Variants in PEAK1 observed in about 807,000 individuals in gnomAD.
PEAK1 encodes the protein inactive tyrosine-protein kinase PEAK1.
PEAK1 carries 54 observed loss-of-function variants against 124.7 expected under a neutral mutation model. The ratio of observed to expected loss-of-function variants is 0.43; its 90% confidence interval spans 0.35 to 0.54. The LOEUF (loss-of-function observed/expected upper bound fraction) is 0.54, where lower values mean the gene tolerates loss of function less well. PEAK1 is among the 20% of genes least tolerant of loss of function. PEAK1 has a pLI of 0.01. For synonymous variants in PEAK1, 719 were observed against 760.0 expected (o/e 0.95, Z 0.89); for missense variants, 2,046 against 2,134.5 (o/e 0.96, Z 0.82).
chr15:77,398,400 A>T (rs894014005), intron 1 of PEAK1, among the ~76,000 whole-genome samples: 3 of 152,216 alleles, frequency 2.0e-5, no homozygotes, highest in Non-Finnish European at 4.4e-5. Flanking sequence ...ATAACACATT[A>T]AAAAGACCAT....
chr15:77,389,551 G>C (rs1226936119), intron 1 of PEAK1, among the ~76,000 whole-genome samples: 2 of 152,138 alleles, frequency 1.3e-5, no homozygotes, highest in African/African-American at 4.8e-5. Flanking sequence ...AAATTTTATA[G>C]GTTATTATGA....
chr15:77,181,720 G>A lies in PEAK1; in HGVS notation c.207C>T (p.Pro69=), dbSNP rs1271426125. The part of the protein sequence containing the change: ...GNFRPPVAKK[P]TIAVKPTMIV... Reference sequence around the variant, plus strand: ...TCATAGTGGGCTTCACAGCTATAGTGGGTTTTTTAGCCACAGGAGGCCGGA... The same window carrying A: ...TCATAGTGGGCTTCACAGCTATAGTAGGTTTTTTAGCCACAGGAGGCCGGA... The change falls in exon 7 of 10, where the codon CCC becomes CCT. Residue 69 remains proline (P), a synonymous_variant. Transcript: ENST00000682557. 2 of 1,613,942 alleles carry A rather than the reference G, an allele frequency of 1.2e-6. No homozygotes were observed. The highest frequency in any genetic ancestry group is 1.7e-6 in the Non-Finnish European group (2 of 1,180,010).
At chr15:77,368,009 G>T (rs540013614) in intron 1 of PEAK1, among the ~76,000 whole-genome samples, 1 of 152,226 alleles carries the variant, frequency 6.6e-6, no homozygotes, top group East Asian at 1.9e-4. Flanking sequence ...CAAATGACAG[G>T]TAAGTTGTGA....
At chr15:77,218,807 T>C (rs1018660214) in intron 6 of PEAK1, among the ~76,000 whole-genome samples, 1 of 152,070 alleles carries the variant, frequency 6.6e-6, no homozygotes, top group African/African-American at 2.4e-5. Context: ...CCAGAAAGGC[T>C]ATATGTTTTT....
chr15:77,112,653 GTATA>G lies in PEAK1; in HGVS notation c.*1499_*1502del. The stretch of plus-strand genomic sequence containing the variant: ...ATAAAACAAGCACAGGTGAACATGT[GTATA>G]CATACACACACACACACACACACAC... On this transcript the variant is annotated 3_prime_UTR_variant, in exon 10 of 10. Coordinates refer to ENST00000682557, the MANE Select transcript of PEAK1 (RefSeq NM_001385026.1). 1.6e-5 allele frequency: 2 copies of G among 128,532 alleles called. No homozygotes were observed. The highest frequency in any genetic ancestry group is 2.6e-4 in the South Asian group (1 of 3,902). The allele number at this position is 128,532 out of a possible 1,614,324, so 8.0% of individuals were successfully genotyped here.
intron 2 of PEAK1, among the ~76,000 whole-genome samples, chr15:77,289,616 ACCTGTGG>A (rs906047526): frequency 2.0e-5 from 3 of 152,158 alleles, no homozygotes; most frequent in Admixed American, 2.0e-4. Context: ...CTGGCGGATC[ACCTGTGG>A]TCAGGAGCTC....
intron 2 of PEAK1, among the ~76,000 whole-genome samples, chr15:77,309,788 T>C (rs990422638): frequency 6.6e-6 from 1 of 152,216 alleles, no homozygotes; most frequent in Non-Finnish European, 1.5e-5. Flanking sequence ...ACTTGTTTTA[T>C]ATACAATCAC....
At chr15:77,347,340 G>C (rs1365179493) in intron 2 of PEAK1, 28 of 985,210 alleles carry the variant, frequency 2.8e-5, no homozygotes, top group South Asian at 4.7e-5. Flanking sequence ...AAAAAGATAA[G>C]CATGAGTTGA....
At position 77,181,561 on chromosome 15, in the gene PEAK1, A is replaced by T; in HGVS notation, c.366T>A (p.Asp122Glu). Reference protein sequence around the residue: ...SQKPLNNNNEDDEGISHVPKP... With the variant: ...SQKPLNNNNEEDEGISHVPKP... ...TAGGAACATGGCTAATTCCTTCATC[A>T]TCTTCATTATTATTGTTAAGTGGTT... is the stretch of plus-strand genomic sequence containing the variant. The change falls in exon 7 of 10, where the codon GAT becomes GAA. Residue 122 changes from aspartate (D) to glutamate (E), a missense_variant. Physicochemically the swap from Asp to Glu is conservative, Grantham distance 45 (BLOSUM62 2). Coordinates refer to ENST00000682557, the MANE Select transcript of PEAK1 (RefSeq NM_001385026.1). 2.5e-6 allele frequency: 4 copies of T among 1,613,942 alleles called. No individual in the cohort carries two copies. Among genetic ancestry groups the T allele is most frequent in the Non-Finnish European group, 3.4e-6 (4 of 1,179,996 alleles).
intron 6 of PEAK1, among the ~76,000 whole-genome samples, chr15:77,250,955 C>T (rs12913233): frequency 0.65 from 99,598 of 152,070 alleles, 33,575 homozygotes; most frequent in Non-Finnish European, 0.75. Context: ...CTCATATTTA[C>T]CAACATGAAA....
At chr15:77,190,454 G>C (rs972285410) in intron 6 of PEAK1, among the ~76,000 whole-genome samples, 1 of 152,198 alleles carries the variant, frequency 6.6e-6, no homozygotes, top group African/African-American at 2.4e-5. Flanking sequence ...GTGTTTTCAA[G>C]GGTCTATGAG....
At chr15:77,104,319 C>G, downstream of PEAK1, 1 of 152,908 alleles carries the variant, frequency 6.5e-6, no homozygotes, top group Non-Finnish European at 1.5e-5. Context: ...AGTCAGACAC[C>G]AAGGACAGCA....
intron 2 of PEAK1, among the ~76,000 whole-genome samples, chr15:77,323,366 T>C (rs543127488): frequency 6.6e-6 from 1 of 152,110 alleles, no homozygotes; most frequent in African/African-American, 2.4e-5. Flanking sequence ...GATGACATGA[T>C]TGTATATCTA....
chr15:77,404,980 T>A lies in PEAK1; in HGVS notation c.-666+15026A>T, dbSNP rs151132276. On this transcript the variant is annotated intron_variant, in intron 1 of 9. Transcript: ENST00000682557. ...AACTGATACATAAACTACATCCCTA[T>A]TATATGTAGTATAAGGTCAATTAGT... Among the ~76,000 whole-genome samples, 726 of 152,218 alleles carry A rather than the reference T, an allele frequency of 4.8e-3. 4 individuals are homozygous for A. Among genetic ancestry groups the A allele is most frequent in the African/African-American group, 0.016 (672 of 41,528 alleles).
rs777365787 is a variant in PEAK1, at chr15:77,371,206, A to G, written c.-665-5981T>C. ...CCTTTTTACTAAGTAATTTTATTCT[A>G]TGGATAGCAACCTTTCACATTCTGG... On this transcript the variant is annotated intron_variant, in intron 1 of 9. Transcript: ENST00000682557. 2.8e-4 allele frequency: 273 copies of G among 984,196 alleles called. 1 individual carries two copies. Among genetic ancestry groups the G allele is most frequent in the Non-Finnish European group, 3.1e-4 (259 of 828,908 alleles). The allele number at this position is 984,196 out of a possible 1,614,324, so 61.0% of individuals were successfully genotyped here. A position where few individuals can be genotyped will look rare whatever the true frequency, so the allele number is the denominator to read the frequency against.
chr15:77,284,662 C>T (rs2062830772), intron 4 of PEAK1, among the ~76,000 whole-genome samples: 1 of 152,126 alleles, frequency 6.6e-6, no homozygotes, highest in African/African-American at 2.4e-5. Context: ...GATTTAACTG[C>T]TAATAGTTGA....
chr15:77,122,702 G>A (rs1359825811), intron 9 of PEAK1, among the ~76,000 whole-genome samples: 1 of 152,130 alleles, frequency 6.6e-6, no homozygotes, highest in African/African-American at 2.4e-5. Context: ...GAAACAAAAC[G>A]GACACAAAAC....
At chr15:77,258,385 T>C (rs1320166579) in intron 5 of PEAK1, among the ~76,000 whole-genome samples, 5 of 152,190 alleles carry the variant, frequency 3.3e-5, no homozygotes. Flanking sequence ...CATTTGTTGG[T>C]ATCCTCTTTT....
rs540373472 is a variant in PEAK1, at chr15:77,168,033, C to T, written c.3138-9337G>A. Among the ~76,000 whole-genome samples, 7 of 152,174 alleles carry T rather than the reference C, an allele frequency of 4.6e-5. No homozygotes were observed. In the South Asian group the frequency reaches 1.2e-3, roughly 27 times the overall value. ...ACAGTTTGCTCAGAATGATGGTTTCCAGCTTCATCCATGTCTCTACAAAGG... is the reference window on the plus strand; with the variant it reads ...ACAGTTTGCTCAGAATGATGGTTTCTAGCTTCATCCATGTCTCTACAAAGG... On this transcript the variant is annotated intron_variant, in intron 7 of 9. Coordinates refer to ENST00000682557, the MANE Select transcript of PEAK1 (RefSeq NM_001385026.1).
Sources: gnomAD v4.1 joint callset for allele counts (sites outside exome capture counted in the v4.1 genomes callset) on GRCh38, gnomAD v4.1.1 for gene constraint, MANE v1.5 for transcripts, NCBI Gene and HGNC (gene_info 2026-07-23, HGNC 2026-07-21) for gene names.